The following ZNF43 variants were observed in gnomAD, a reference collection of about 807,000 sequenced individuals.
ZNF43 encodes the protein zinc finger protein 43, also known as zinc finger protein 39-like 1 (KOX 27).
Under a neutral mutation model 68.4 loss-of-function variants are expected in ZNF43, and 44 were observed. The ratio of observed to expected loss-of-function variants is 0.64; its 90% CI spans 0.51 to 0.83. ZNF43 has a LOEUF of 0.83. Among genes scored for constraint, ZNF43 ranks in the 40% least tolerant of loss-of-function variants. ZNF43 has a pLI of 0.00. For synonymous variants in ZNF43, 308 were observed against 307.8 expected, an observed-to-expected ratio of 1.00 and a Z score of -0.01; for missense variants, 896 against 933.2, an observed-to-expected ratio of 0.96 and a Z score of 0.52.
chr19:21,824,077 T>C (rs564486609), intron 1 of ZNF43, among the ~76,000 whole-genome samples: 57 of 152,182 alleles, frequency 3.7e-4, no homozygotes, highest in African/African-American at 1.4e-3. Context: ...TAGTCCCAGC[T>C]ACTCTGGAGG....
intron 1 of ZNF43, among the ~76,000 whole-genome samples, chr19:21,831,896 A>G (rs186600338): frequency 1.3e-5 from 2 of 152,356 alleles, no homozygotes; most frequent in East Asian, 3.9e-4. Flanking sequence ...GATGATACAA[A>G]CAAATGGAAA....
Position 21,817,977 on chromosome 19 carries a change from A to G in ZNF43, c.140T>C (p.Val47Ala), listed in dbSNP as rs775577704. ...YRNLVFLGIA[V>A]SKPDLITCLE... The stretch of plus-strand genomic sequence containing the variant: ...ACAGGTGATCAGGTCTGGCTTAGAG[A>G]CAGCAATACCTGTTTCAATAAAAAA... Residue 47 changes from valine to alanine, a missense_variant, in exon 3 of 4, where the codon GTC becomes GCC. Transcript: ENST00000354959. The G allele has an allele frequency of 2.5e-6, 4 of 1,612,532 alleles. No homozygotes were observed. In the Admixed American group the frequency reaches 6.7e-5, roughly 27 times the overall value.
At position 21,819,161 on chromosome 19, in the gene ZNF43, C is replaced by G; in HGVS notation, c.64G>C (p.Asp22His). Reference sequence around the variant, plus strand: ...CTATATAAATTCTGCTGTGCAATGTCCAGGCATTGCCACTCCTCCAGACAG... The same window carrying G: ...CTATATAAATTCTGCTGTGCAATGTGCAGGCATTGCCACTCCTCCAGACAG... ...EFCLEEWQCLDIAQQNLYRNV... is the reference protein window; with the variant it reads ...EFCLEEWQCLHIAQQNLYRNV... The change falls in exon 2 of 4, where the codon GAC (aspartate) becomes CAC (histidine). Residue 22 changes from aspartate (D) to histidine (H), a missense_variant. Transcript: ENST00000354959. The G allele has an allele frequency of 6.2e-7, 1 of 1,609,116 alleles. No individual in the cohort carries two copies. Among genetic ancestry groups the G allele is most frequent in the Non-Finnish European group, 8.5e-7 (1 of 1,178,422 alleles).
intron 1 of ZNF43, among the ~76,000 whole-genome samples, chr19:21,825,697 C>T (rs565820091): frequency 2.0e-5 from 3 of 152,158 alleles, no homozygotes; most frequent in Non-Finnish European, 2.9e-5. Context: ...TTACTTTGAT[C>T]GGGTTTCTGG....
intron 1 of ZNF43, among the ~76,000 whole-genome samples, chr19:21,824,883 C>T (rs773005938): frequency 2.0e-5 from 3 of 151,964 alleles, no homozygotes; most frequent in African/African-American, 7.3e-5. Context: ...GCAGCAGTTA[C>T]AAGTAGATTT....
chr19:21,817,844 A>C, intron 3 of ZNF43, 44 bp downstream of exon 3: 1 of 1,566,218 alleles, frequency 6.4e-7, no homozygotes, highest in Non-Finnish European at 8.8e-7. Context: ...TAACCTTTGG[A>C]CTTCTCATCT....
At chr19:21,837,598 T>A (rs1031296531), upstream of ZNF43, among the ~76,000 whole-genome samples, 1 of 151,854 alleles carries the variant, frequency 6.6e-6, no homozygotes, top group East Asian at 1.9e-4. Context: ...CTAATTTTTT[T>A]ATGATATATT....
At position 21,818,069 on chromosome 19, in the gene ZNF43, G is replaced by A. The variant is rs947988406; in HGVS notation, c.131-83C>T. ...TAGTAATGTGTCCAGTATGAAGGGT[G>A]TGATAGAATATCCTAATCATTAATC... On this transcript the variant is annotated intron_variant, in intron 2 of 3. Transcript: ENST00000354959. 31 of 1,360,270 alleles carry A rather than the reference G, an allele frequency of 2.3e-5. No individual in the cohort carries two copies. The Admixed American group carries it at 6.3e-4, about 28-fold the overall frequency. The allele number at this position is 1,360,270 out of a possible 1,614,324, so 84.3% of individuals were successfully genotyped here.
At chr19:21,848,884 T>TGA (rs35714692) in intron 1 of ZNF43, among the ~76,000 whole-genome samples, 64,437 of 151,932 alleles carry the variant, frequency 0.42, 14,679 homozygotes, top group African/African-American at 0.61. Context: ...AGCCCAGGTA[T>TGA]GAGTCAACAT....
chr19:21,841,806 A>G (rs1458458172), intron 1 of ZNF43, among the ~76,000 whole-genome samples: 3 of 152,216 alleles, frequency 2.0e-5, no homozygotes, highest in Non-Finnish European at 4.4e-5. Flanking sequence ...CTTAGGTGAT[A>G]AACAAATGAC....
chr19:21,809,752 A>T lies in ZNF43; in HGVS notation c.285T>A (p.Pro95=), dbSNP rs2037187803. The change falls in exon 4 of 4, where the codon CCT becomes CCA. Residue 95 remains proline (P), a synonymous_variant. Transcript: ENST00000354959. ...DFWPEQHIKD[P]FQKATLRRYK... is the part of the protein sequence containing the mutation. ...ATCTTCTCAGTGTCGCTTTTTGGAA[A>T]GGATCTTTTATATGCTGCTCTGGCC... The T allele has an allele frequency of 6.2e-7, 1 of 1,603,926 alleles. No individual in the cohort carries two copies. Among genetic ancestry groups the T allele is most frequent in the African/African-American group, 1.4e-5 (1 of 73,836 alleles).
At chr19:21,837,394 A>G (rs1967182850), upstream of ZNF43, among the ~76,000 whole-genome samples, 1 of 143,986 alleles carries the variant, frequency 6.9e-6, no homozygotes, top group South Asian at 2.2e-4. Context: ...GTGTATTTGC[A>G]TCTACATTTG....
At chr19:21,846,915 A>G (rs1967991609) in intron 1 of ZNF43, among the ~76,000 whole-genome samples, 1 of 152,202 alleles carries the variant, frequency 6.6e-6, no homozygotes, top group Admixed American at 6.5e-5. Flanking sequence ...GAAGACTCAC[A>G]TGTCAGTGCA....
rs533582262 is a variant in ZNF43, at chr19:21,830,290, A to C, written c.3+5746T>G. Among the ~76,000 whole-genome samples, 32 of 144,548 alleles carry C rather than the reference A, an allele frequency of 2.2e-4. 1 individual carries two copies. In the East Asian group the frequency reaches 6.2e-3, roughly 28 times the overall value. 94.8% of individuals were successfully genotyped at this position (144,548 alleles called of 152,430 possible). ...TTCAAAAACAAAATGAAAAAAAAAA[A>C]CAAAACAAAAAACAAACAAACAAAC... On this transcript the variant is annotated intron_variant, in intron 1 of 3. Transcript: ENST00000354959.
At chr19:21,836,897 T>G (rs1194191444), upstream of ZNF43, among the ~76,000 whole-genome samples, 1 of 152,220 alleles carries the variant, frequency 6.6e-6, no homozygotes, top group African/African-American at 2.4e-5. Context: ...CAGACTGAAT[T>G]ATTTTATCAA....
chr19:21,847,692 G>A (rs1258895507), intron 1 of ZNF43, among the ~76,000 whole-genome samples: 2 of 119,914 alleles, frequency 1.7e-5, no homozygotes, highest in African/African-American at 4.4e-5. Flanking sequence ...GTGAGACTCC[G>A]TCTCCGAAAA....
At chr19:21,847,672 G>A (rs1968053307) in intron 1 of ZNF43, among the ~76,000 whole-genome samples, 1 of 150,012 alleles carries the variant, frequency 6.7e-6, no homozygotes, top group Non-Finnish European at 1.5e-5. Flanking sequence ...ACTCCAGCCT[G>A]TGCAACAGAG....
chr19:21,848,202 G>A (rs901400636), intron 1 of ZNF43, among the ~76,000 whole-genome samples: 6 of 152,002 alleles, frequency 3.9e-5, no homozygotes, highest in African/African-American at 1.4e-4. Flanking sequence ...GGAGTGCAGT[G>A]GTGTCATGTC....
At chr19:21,844,607 A>G (rs1967777014) in intron 1 of ZNF43, among the ~76,000 whole-genome samples, 1 of 151,840 alleles carries the variant, frequency 6.6e-6, no homozygotes, top group South Asian at 2.1e-4. Flanking sequence ...GGCAAAATAT[A>G]TGTGACAAGG....
Sources: gnomAD v4.1 joint callset for allele counts (sites outside exome capture counted in the v4.1 genomes callset) on GRCh38, gnomAD v4.1.1 for gene constraint, MANE v1.5 for transcripts, NCBI Gene and HGNC (gene_info 2026-07-23, HGNC 2026-07-21) for gene names.